Variants in KCNC4 observed in about 807,000 individuals in gnomAD.
KCNC4 encodes the protein voltage-gated potassium channel KCNC4.
KCNC4 carries 23 observed loss-of-function variants against 42.8 expected under a neutral mutation model. The observed-to-expected ratio is 0.54, with a 90% CI of 0.39 to 0.76. The LOEUF is 0.76. Ranked by LOEUF, KCNC4 falls within the 30% of genes least tolerant of loss-of-function variation. The pLI is 0.00. For missense variants in KCNC4, 751 were observed against 898.2 expected (o/e 0.84, Z 2.10); for synonymous variants, 422 against 393.5 (o/e 1.07, Z -0.86).
intron 1 of KCNC4, among the ~76,000 whole-genome samples, chr1:110,216,911 A>G (rs1327053566): frequency 6.6e-6 from 1 of 152,164 alleles, no homozygotes; most frequent in Admixed American, 6.5e-5. Flanking sequence ...TAGAGGTATT[A>G]CTGGGCATAT....
rs1347867945 is a variant in KCNC4, at chr1:110,211,510, C to T, written c.11C>T (p.Ser4Leu). The T allele has an allele frequency of 1.9e-6, 3 of 1,613,466 alleles. No homozygotes were observed. The highest frequency in any genetic ancestry group is 1.7e-5 in the Admixed American group (1 of 59,998). Residue 4 changes from serine (S) to leucine (L), a missense_variant, in exon 1 of 4, where the codon TCG (serine) becomes TTG (leucine). Around this residue, in one of 4 missense-constraint regions of KCNC4, gnomAD observed 183 missense variants for 255.8 expected, o/e 0.72. Coordinates refer to ENST00000438661, the MANE Select transcript of KCNC4 (RefSeq NM_001039574.3). The surrounding 1 kb of genome is among the most constrained non-coding windows in gnomAD (Gnocchi z 6.5). ...CCCGCAGCGCTTCTTATGATCAGCT[C>T]GGTGTGTGTCTCCTCCTACCGCGGG... MIS[S>L]VCVSSYRGRK... is the part of the protein sequence containing the mutation.
exon 4 of KCNC4, chr1:110,242,838 T>G (rs1272032175): frequency 1.3e-5 from 2 of 152,296 alleles, no homozygotes; most frequent in East Asian, 3.9e-4. Context: ...ATCTCACAGA[T>G]AGATTTCACA....
Position 110,210,884 on chromosome 1 carries a change from T to C in KCNC4, c.-616T>C, listed in dbSNP as rs1201752236. On this transcript the variant is annotated 5_prime_UTR_variant, in exon 1 of 4. An upstream start codon of the reference 5' UTR is lost. Transcript: ENST00000438661. ...CCTTCCTCGCCCGGCGCTGGATTTA[T>C]GAATGGGGGGAAGAGGCCACATGCC... Among the ~76,000 whole-genome samples the C allele has an allele frequency of 6.6e-6, 1 of 152,164 alleles. No individual in the cohort carries two copies. Among genetic ancestry groups the C allele is most frequent in the East Asian group, 1.9e-4 (1 of 5,160 alleles).
downstream of KCNC4, chr1:110,237,984 A>G (rs930812): frequency 0.38 from 57,929 of 152,212 alleles, 11,145 homozygotes; most frequent in Admixed American, 0.4. Flanking sequence ...GAGCTGGCTC[A>G]GTCACTTGGG....
chr1:110,217,357 G>A (rs1193993418), intron 1 of KCNC4, among the ~76,000 whole-genome samples: 1 of 152,080 alleles, frequency 6.6e-6, no homozygotes, highest in Non-Finnish European at 1.5e-5. Context: ...CTGACTTAGT[G>A]CCTTAAATAA....
At chr1:110,248,504 A>G (rs1185887342) in exon 4 of KCNC4, 1 of 152,050 alleles carries the variant, frequency 6.6e-6, no homozygotes, top group African/African-American at 2.4e-5. Flanking sequence ...AGTAGGAAAA[A>G]TAACCCCAGT....
At chr1:110,273,803 A>C (rs1224173149) in intron 1 of KCNC4, among the ~76,000 whole-genome samples, 1 of 152,230 alleles carries the variant, frequency 6.6e-6, no homozygotes, top group Non-Finnish European at 1.5e-5. Flanking sequence ...GGAGTAGAGC[A>C]GGTAGCAAAA....
Position 110,233,195 on chromosome 1 carries a change from C to G in KCNC4, c.*223C>G. On this transcript the variant is annotated 3_prime_UTR_variant, in exon 4 of 4. Coordinates refer to ENST00000438661, the MANE Select transcript of KCNC4 (RefSeq NM_001039574.3). ...AGAGATATATATGCACATATAGTAT[C>G]TATATTCATACATATTATACTCTTG... 1.6e-6 allele frequency: 1 copy of G among 608,680 alleles called. No individual in the cohort carries two copies. The highest frequency in any genetic ancestry group is 2.9e-6 in the Non-Finnish European group (1 of 344,542). 37.7% of individuals were successfully genotyped at this position (608,680 alleles called of 1,614,324 possible).
intron 1 of KCNC4, among the ~76,000 whole-genome samples, chr1:110,268,945 T>C (rs1331519949): frequency 6.6e-6 from 1 of 151,998 alleles, no homozygotes; most frequent in Non-Finnish European, 1.5e-5. Flanking sequence ...CTCGATCTCC[T>C]GACCTCGTGA....
rs912968094 is a variant in KCNC4, at chr1:110,212,171, C to T, written c.672C>T (p.Ala224=). ...TCGAGGATCCCTACTCCTCCCGGGC[C>T]GCTAGGGTGAGTGGCAGGAGCCCGT... is the stretch of plus-strand genomic sequence containing the variant. ...ALFEDPYSSR[A]ARVVAFASLF... Residue 224 remains alanine (A), a synonymous_variant, in exon 1 of 4, where the codon GCC becomes GCT. Coordinates refer to ENST00000438661, the MANE Select transcript of KCNC4 (RefSeq NM_001039574.3). The T allele has an allele frequency of 6.7e-7, 1 of 1,493,310 alleles. No individual in the cohort carries two copies. Among genetic ancestry groups the T allele is most frequent in the Non-Finnish European group, 8.8e-7 (1 of 1,138,496 alleles). The allele number at this position is 1,493,310 out of a possible 1,614,324, so 92.5% of individuals were successfully genotyped here. A position where few individuals can be genotyped will look rare whatever the true frequency, so the allele number is the denominator to read the frequency against.
chr1:110,278,256 T>G (rs752653894), intron 1 of KCNC4, among the ~76,000 whole-genome samples: 1 of 152,204 alleles, frequency 6.6e-6, no homozygotes, highest in African/African-American at 2.4e-5. Context: ...AAATGTCCCT[T>G]GGGCAGATCA....
At chr1:110,248,713 T>G (rs1055769301) in exon 4 of KCNC4, 6 of 152,262 alleles carry the variant, frequency 3.9e-5, no homozygotes, top group Admixed American at 1.3e-4. Flanking sequence ...TCTAACTTTT[T>G]GGAAATTATA....
chr1:110,212,593 G>A (rs983950428), intron 1 of KCNC4, among the ~76,000 whole-genome samples: 3 of 152,174 alleles, frequency 2.0e-5, no homozygotes, highest in Non-Finnish European at 4.4e-5. Context: ...GGGTTGAGAG[G>A]AAGGAAACTA....
At chr1:110,248,526 G>A (rs1659196179) in exon 4 of KCNC4, 1 of 151,262 alleles carries the variant, frequency 6.6e-6, no homozygotes, top group Non-Finnish European at 1.5e-5. Flanking sequence ...TTATTTTTCT[G>A]TAGGACATTA....
Position 110,211,190 on chromosome 1 carries a change from TTG to T in KCNC4, c.-304_-303del, listed in dbSNP as rs1657423438. Among the ~76,000 whole-genome samples the T allele has an allele frequency of 6.6e-6, 1 of 152,166 alleles. No homozygotes were observed. Among genetic ancestry groups the T allele is most frequent in the African/African-American group, 2.4e-5 (1 of 41,444 alleles). ...GGGGCGTGTCCCCGGCCCAGAGCGTTTGTGTGTCCCGTCGTAGCGGGGGACCG... is the reference window on the plus strand; with the variant it reads ...GGGGCGTGTCCCCGGCCCAGAGCGTTTGTGTCCCGTCGTAGCGGGGGACCG... On this transcript the variant is annotated 5_prime_UTR_variant, in exon 1 of 4. Coordinates refer to ENST00000438661, the MANE Select transcript of KCNC4 (RefSeq NM_001039574.3). This position sits in a 1 kb window ranked among gnomAD's most constrained non-coding sequence, Gnocchi z 6.5.
Position 110,211,547 on chromosome 1 carries a change from G to A in KCNC4, c.48G>A (p.Gly16=). 1 of 1,614,074 alleles carries A rather than the reference G, an allele frequency of 6.2e-7. No homozygotes were observed. Among genetic ancestry groups the A allele is most frequent in the Non-Finnish European group, 8.5e-7 (1 of 1,179,988 alleles). Residue 16 remains glycine, a synonymous_variant, in exon 1 of 4, where the codon GGG becomes GGA. Coordinates refer to ENST00000438661, the MANE Select transcript of KCNC4 (RefSeq NM_001039574.3). This position sits in a 1 kb window ranked among gnomAD's most constrained non-coding sequence, Gnocchi z 6.5. Reference sequence around the variant, plus strand: ...CCTCCTACCGCGGGCGCAAGTCGGGGAACAAGCCTCCGTCCAAAACATGTC... The same window carrying A: ...CCTCCTACCGCGGGCGCAAGTCGGGAAACAAGCCTCCGTCCAAAACATGTC... The part of the protein sequence containing the change: ...CVSSYRGRKS[G]NKPPSKTCLK...
intron 3 of KCNC4, among the ~76,000 whole-genome samples, chr1:110,227,535 C>T (rs564524177): frequency 1.3e-5 from 2 of 152,344 alleles, no homozygotes; most frequent in South Asian, 2.1e-4. Flanking sequence ...CCTCTACCCT[C>T]GCCTGTGTTC....
chr1:110,260,073 T>C (rs1039360079), intron 1 of KCNC4, among the ~76,000 whole-genome samples: 3 of 152,214 alleles, frequency 2.0e-5, no homozygotes, highest in Admixed American at 6.5e-5. Flanking sequence ...TTTATCACTA[T>C]GGGGGAAAGT....
exon 4 of KCNC4, chr1:110,243,861 G>C (rs1571066376): frequency 6.6e-6 from 1 of 152,284 alleles, no homozygotes; most frequent in East Asian, 1.9e-4. Context: ...TGAATGAGAA[G>C]AAAGGGGCAA....
Sources: gnomAD v4.1 joint callset for allele counts (sites outside exome capture counted in the v4.1 genomes callset) on GRCh38, gnomAD v4.1.1 for gene constraint, gnomAD v4.1.1 regional missense constraint, Gnocchi (gnomAD v3.1) non-coding constraint, MANE v1.5 for transcripts, NCBI Gene and HGNC (gene_info 2026-07-23, HGNC 2026-07-21) for gene names.